EYS: variants seen among roughly 807,000 people sequenced by gnomAD.
The protein encoded by EYS is EGF-like photoreceptor maintenance factor.
In EYS, 250 loss-of-function variants were observed where a neutral mutation model predicts 282.1. That is an observed-to-expected ratio of 0.89 (90% CI 0.80 to 0.98). EYS has a LOEUF of 0.98. EYS is among the 50% of genes least tolerant of loss of function. The pLI, the probability that EYS is intolerant of heterozygous loss-of-function variation, is 0.00. For missense variants in EYS, 4,016 were observed against 3,709.0 expected (o/e 1.08, Z -2.15); for synonymous variants, 1,355 against 1,282.9 (o/e 1.06, Z -1.20).
chr6:65,571,904 C>A (rs1209426409), intron 2 of EYS, among the ~76,000 whole-genome samples: 5 of 151,880 alleles, frequency 3.3e-5, no homozygotes, highest in Non-Finnish European at 7.4e-5. Flanking sequence ...TAAGAAATTT[C>A]AATCAAATTT....
intron 1 of EYS, among the ~76,000 whole-genome samples, chr6:65,650,346 C>A (rs1405229675): frequency 6.6e-6 from 1 of 152,156 alleles, no homozygotes; most frequent in African/African-American, 2.4e-5. Flanking sequence ...ATACTCATAA[C>A]AGATTCTCAG....
chr6:63,912,477 G>A (rs757002300), intron 35 of EYS, among the ~76,000 whole-genome samples: 1 of 152,112 alleles, frequency 6.6e-6, no homozygotes, highest in Admixed American at 6.6e-5. Context: ...GACTGTTAAT[G>A]ATATATTTTA....
intron 29 of EYS, among the ~76,000 whole-genome samples, chr6:64,327,171 G>C (rs1234267312): frequency 6.6e-6 from 1 of 152,098 alleles, no homozygotes; most frequent in Non-Finnish European, 1.5e-5. Context: ...GGAAAAACCA[G>C]ATCTAGGACA....
intron 22 of EYS, among the ~76,000 whole-genome samples, chr6:64,655,188 T>C (rs538492985): frequency 1.7e-3 from 257 of 152,276 alleles, no homozygotes; most frequent in Admixed American, 4.6e-3. Context: ...TCTTTAGACC[T>C]GCCAGAAATT....
intron 19 of EYS, among the ~76,000 whole-genome samples, chr6:64,845,894 T>G (rs1765700509): frequency 6.6e-6 from 1 of 152,146 alleles, no homozygotes; most frequent in African/African-American, 2.4e-5. Flanking sequence ...AATACTTTTA[T>G]AAGTCTGCTG....
chr6:65,075,222 A>AC (rs1774013522), intron 12 of EYS, among the ~76,000 whole-genome samples: 1 of 151,858 alleles, frequency 6.6e-6, no homozygotes, highest in African/African-American at 2.4e-5. Flanking sequence ...TTTCTTGAAA[A>AC]CCAAGGGTGT....
At chr6:65,687,058 C>T (rs955587193) in intron 1 of EYS, among the ~76,000 whole-genome samples, 3 of 151,670 alleles carry the variant, frequency 2.0e-5, no homozygotes, top group African/African-American at 7.3e-5. Flanking sequence ...ACATTTATAC[C>T]TAGACTAGTT....
intron 10 of EYS, 70 bp downstream of exon 10, chr6:65,343,968 A>G (rs1770294988): frequency 7.6e-7 from 1 of 1,322,718 alleles, no homozygotes; most frequent in Non-Finnish European, 1.1e-6. Context: ...AAACATTTCT[A>G]ACTTTCTAAA....
intron 33 of EYS, among the ~76,000 whole-genome samples, chr6:64,025,132 C>T (rs1017574762): frequency 3.3e-5 from 5 of 152,108 alleles, no homozygotes; most frequent in Non-Finnish European, 7.4e-5. Context: ...TAACCGGGCA[C>T]CTGTCAGCCA....
At position 64,426,847 on chromosome 6, in the gene EYS, C is replaced by G. The variant is rs146499961; in HGVS notation, c.5927+9327G>C. On this transcript the variant is annotated intron_variant, in intron 28 of 42. Coordinates refer to ENST00000503581, the MANE Select transcript of EYS (RefSeq NM_001142800.2). ...TGGAAGTCTCCAGCTATGCTGAACT[C>G]TGACTTTTTAAGAATTATTCTGTTT... 2.5e-3 allele frequency among the ~76,000 whole-genome samples: 387 copies of G among 152,262 alleles called. 3 individuals are homozygous for G. Among genetic ancestry groups the G allele is most frequent in the African/African-American group, 8.7e-3 (362 of 41,572 alleles).
At chr6:64,958,437 C>T (rs886583624) in intron 14 of EYS, among the ~76,000 whole-genome samples, 6 of 151,762 alleles carry the variant, frequency 4.0e-5, no homozygotes, top group African/African-American at 1.2e-4. Context: ...CTAAACCTCA[C>T]TTTCACAGAG....
At chr6:64,232,348 T>G (rs921374892) in intron 30 of EYS, among the ~76,000 whole-genome samples, 10 of 152,136 alleles carry the variant, frequency 6.6e-5, no homozygotes, top group South Asian at 2.1e-4. Flanking sequence ...TGAATCTTTT[T>G]TTTTGTAAAT....
rs185577608 is a variant in EYS, at chr6:64,930,067, C to T, written c.2381+15726G>A. Among the ~76,000 whole-genome samples the T allele has an allele frequency of 1.5e-3, 224 of 152,216 alleles. 1 individual carries two copies. The highest frequency in any genetic ancestry group is 5.1e-3 in the African/African-American group (212 of 41,550). On this transcript the variant is annotated intron_variant, in intron 15 of 42. Transcript: ENST00000503581. ...AATTACTTGTGTGAATTTACTGAAT[C>T]TGTCCAAAAGATAATTTGATAAAAA...
intron 35 of EYS, among the ~76,000 whole-genome samples, chr6:63,965,194 GAATTCTTACTTTGTGTAAGATCGAT>G (rs1356909599): frequency 1.3e-5 from 2 of 152,174 alleles, no homozygotes; most frequent in Non-Finnish European, 2.9e-5. Flanking sequence ...TTATAGGGTA[GAATTCTTACTTTGTGTAAGATCGAT>G]AATTCTTACT....
chr6:65,193,526 T>A (rs997752176), intron 12 of EYS, among the ~76,000 whole-genome samples: 1 of 151,886 alleles, frequency 6.6e-6, no homozygotes, highest in Non-Finnish European at 1.5e-5. Flanking sequence ...TTTTTTCTAC[T>A]GGAAGTTTGA....
At chr6:64,392,191 C>A (rs1012596701) in intron 28 of EYS, among the ~76,000 whole-genome samples, 1 of 150,088 alleles carries the variant, frequency 6.7e-6, no homozygotes, top group South Asian at 2.1e-4. Flanking sequence ...ACTTTAACAC[C>A]CCACTGTCAA....
intron 11 of EYS, among the ~76,000 whole-genome samples, chr6:65,324,962 G>C (rs569289319): frequency 6.6e-6 from 1 of 152,282 alleles, no homozygotes; most frequent in African/African-American, 2.4e-5. Flanking sequence ...AGATATTTTA[G>C]CACAGTGGAT....
chr6:65,627,027 C>CTT lies in EYS; in HGVS notation c.-333+12750_-333+12751insAA, dbSNP rs1490520748. Among the ~76,000 whole-genome samples, 9 of 138,114 alleles carry CTT rather than the reference C, an allele frequency of 6.5e-5. No individual in the cohort carries two copies. In the South Asian group the frequency reaches 7.0e-4, roughly 11 times the overall value. The allele number at this position is 138,114 out of a possible 152,430, so 90.6% of individuals were successfully genotyped here. On this transcript the variant is annotated intron_variant, in intron 2 of 42. Coordinates refer to ENST00000503581, the MANE Select transcript of EYS (RefSeq NM_001142800.2). The stretch of plus-strand genomic sequence containing the variant: ...TTCTCTCTCTGCCCTTTCTTTCTTT[C>CTT]TCTTTCTTTCTCTCTTTCTTTCATC...
At chr6:63,832,364 A>G (rs1341030442) in intron 36 of EYS, among the ~76,000 whole-genome samples, 1 of 152,198 alleles carries the variant, frequency 6.6e-6, no homozygotes, top group Non-Finnish European at 1.5e-5. Flanking sequence ...AATAGACACA[A>G]TAAAAAATGA....
Sources: allele counts gnomAD v4.1 joint callset (sites outside exome capture counted in the v4.1 genomes callset), GRCh38; gene constraint gnomAD v4.1.1; transcripts MANE v1.5; gene names NCBI Gene and HGNC (gene_info 2026-07-23, HGNC 2026-07-21).